Variants in KCNJ6 observed in about 807,000 individuals in gnomAD.
The protein encoded by KCNJ6 is potassium inwardly rectifying channel subfamily J member 6, also known as G protein-activated inward rectifier potassium channel 2.
In KCNJ6, 9 loss-of-function variants were observed where a neutral mutation model predicts 34.2. That is an observed-to-expected ratio of 0.26 (90% CI 0.16 to 0.46). KCNJ6 has a LOEUF of 0.46. Ranked by LOEUF, KCNJ6 falls within the 20% of genes least tolerant of loss-of-function variation. The pLI is 1.00. For synonymous variants in KCNJ6, 196 were observed against 207.1 expected (o/e 0.95, Z 0.46); for missense variants, 236 against 531.3 (o/e 0.44, Z 5.46).
At chr21:37,705,956 T>G (rs564739601) in intron 3 of KCNJ6, among the ~76,000 whole-genome samples, 155 of 432 alleles carry the variant, frequency 0.36, no homozygotes, top group Non-Finnish European at 0.19. Flanking sequence ...ATAAGGTTAT[T>G]TCCTCAGTCA....
chr21:37,847,311 C>A (rs1045690681), intron 1 of KCNJ6, among the ~76,000 whole-genome samples: 3 of 152,116 alleles, frequency 2.0e-5, no homozygotes, highest in Admixed American at 6.5e-5. Flanking sequence ...AACTGAGGCA[C>A]AGAGAGGTTC....
intron 2 of KCNJ6, among the ~76,000 whole-genome samples, chr21:37,720,929 G>C (rs541288496): frequency 6.6e-6 from 1 of 151,140 alleles, no homozygotes; most frequent in Non-Finnish European, 1.5e-5. Flanking sequence ...GGATGGTCTC[G>C]ATCTCCTGAC....
chr21:37,868,857 A>G (rs1041622344), intron 1 of KCNJ6, among the ~76,000 whole-genome samples: 1 of 152,272 alleles, frequency 6.6e-6, no homozygotes, highest in Admixed American at 6.5e-5. Context: ...AATGTTCTTC[A>G]GAATCCACAG....
chr21:37,632,844 G>T (rs2054339919), intron 3 of KCNJ6, among the ~76,000 whole-genome samples: 1 of 152,062 alleles, frequency 6.6e-6, no homozygotes, highest in South Asian at 2.1e-4. Flanking sequence ...TTGAGCCAGT[G>T]ATTAAAAACT....
rs144661186 is a variant in KCNJ6, at chr21:37,664,998, G to A, written c.947-39514C>T. On this transcript the variant is annotated intron_variant, in intron 3 of 3. Transcript: ENST00000609713. ...TTTTTAGTAGAGACGGGGTTTCACC[G>A]TGTTAGCCAGGATGGTCTCGATCTC... Among the ~76,000 whole-genome samples the A allele has an allele frequency of 5.7e-3, 870 of 151,886 alleles. 11 individuals carry two copies. The highest frequency in any genetic ancestry group is 0.019 in the African/African-American group (783 of 41,396).
At chr21:37,766,191 G>A (rs185046652) in intron 2 of KCNJ6, among the ~76,000 whole-genome samples, 1 of 152,312 alleles carries the variant, frequency 6.6e-6, no homozygotes, top group African/African-American at 2.4e-5. Flanking sequence ...TGTTTTTTGG[G>A]AAGAACTGGG....
intron 2 of KCNJ6, among the ~76,000 whole-genome samples, chr21:37,783,319 T>C (rs933545122): frequency 2.6e-5 from 4 of 152,302 alleles, no homozygotes; most frequent in Admixed American, 6.5e-5. Context: ...TTCCCATATG[T>C]TGTGGGAAGG....
At chr21:37,807,901 G>T (rs2055301827) in intron 2 of KCNJ6, among the ~76,000 whole-genome samples, 1 of 152,192 alleles carries the variant, frequency 6.6e-6, no homozygotes, top group African/African-American at 2.4e-5. Flanking sequence ...TCCATGTACT[G>T]CCAGGGTCTG....
chr21:37,765,193 T>TG (rs1441973881), intron 2 of KCNJ6, among the ~76,000 whole-genome samples: 2 of 152,256 alleles, frequency 1.3e-5, no homozygotes, highest in Non-Finnish European at 2.9e-5. Flanking sequence ...TGTGTCTGCA[T>TG]GGTGGAAACA....
intron 2 of KCNJ6, among the ~76,000 whole-genome samples, chr21:37,820,517 G>A (rs2055368694): frequency 6.6e-6 from 1 of 152,150 alleles, no homozygotes; most frequent in Non-Finnish European, 1.5e-5. Flanking sequence ...GGATGACACT[G>A]CTTCAGATGT....
chr21:37,626,291 C>T (rs1024306869), intron 3 of KCNJ6, among the ~76,000 whole-genome samples: 5 of 152,008 alleles, frequency 3.3e-5, no homozygotes, highest in South Asian at 2.1e-4. Flanking sequence ...CCGCCATGTC[C>T]GACTAATTTT....
At position 37,840,717 on chromosome 21, in the gene KCNJ6, TGAG is replaced by T; in HGVS notation, c.-27-11_-27-9del. 3 of 1,533,470 alleles carry T rather than the reference TGAG, an allele frequency of 2.0e-6. No individual in the cohort carries two copies. In the South Asian group the frequency reaches 3.4e-5, roughly 17 times the overall value. The allele number at this position is 1,533,470 out of a possible 1,614,324, so 95.0% of individuals were successfully genotyped here. On this transcript the variant is annotated splice_polypyrimidine_tract_variant and intron_variant, in intron 1 of 3. Coordinates refer to ENST00000609713, the MANE Select transcript of KCNJ6 (RefSeq NM_002240.5). ...TTCTTCTTTGTGCTTTTCCTGGAGG[TGAG>T]AAGAAAAGACAATTATCTGTAAAAC...
intron 2 of KCNJ6, among the ~76,000 whole-genome samples, chr21:37,778,813 G>T (rs530974308): frequency 3.3e-5 from 5 of 149,716 alleles, no homozygotes; most frequent in African/African-American, 1.2e-4. Flanking sequence ...ACTTATTCTT[G>T]GAGCACCCCC....
At chr21:37,870,541 C>T (rs1269006755) in intron 1 of KCNJ6, among the ~76,000 whole-genome samples, 1 of 151,666 alleles carries the variant, frequency 6.6e-6, no homozygotes, top group Non-Finnish European at 1.5e-5. Context: ...TAGAATAATT[C>T]TGAGATATTT....
At chr21:37,816,176 C>G (rs2055345891) in intron 2 of KCNJ6, among the ~76,000 whole-genome samples, 1 of 152,160 alleles carries the variant, frequency 6.6e-6, no homozygotes, top group Admixed American at 6.5e-5. Context: ...ATGCCTGCCG[C>G]CTTTTCTGGA....
rs139268349 is a variant in KCNJ6 at position 37,628,507 on chromosome 21, A to G, written c.947-3023T>C. Among the ~76,000 whole-genome samples, 634 of 152,318 alleles carry G rather than the reference A, an allele frequency of 4.2e-3. 7 individuals carry two copies. The highest frequency in any genetic ancestry group is 0.014 in the African/African-American group (599 of 41,578). On this transcript the variant is annotated intron_variant, in intron 3 of 3. Transcript: ENST00000609713. ...TATTGAGGTATAGAAAGAAAAAAGA[A>G]TGGAGAAAAATGAACAGTGCCTCAG... is the stretch of plus-strand genomic sequence containing the variant.
chr21:37,819,473 C>T (rs1163208463), intron 2 of KCNJ6, among the ~76,000 whole-genome samples: 1 of 151,712 alleles, frequency 6.6e-6, no homozygotes, highest in Non-Finnish European at 1.5e-5. Flanking sequence ...TTCCATCTGA[C>T]AAATCTGAAA....
At chr21:37,669,903 C>T (rs1490862416) in intron 3 of KCNJ6, among the ~76,000 whole-genome samples, 1 of 151,988 alleles carries the variant, frequency 6.6e-6, no homozygotes, top group African/African-American at 2.4e-5. Context: ...TCTTTTGTTG[C>T]CTGTACTTGT....
At chr21:37,647,233 A>T (rs964487896) in intron 3 of KCNJ6, among the ~76,000 whole-genome samples, 6 of 152,002 alleles carry the variant, frequency 3.9e-5, no homozygotes, top group Non-Finnish European at 5.9e-5. Flanking sequence ...CTTAATTCTT[A>T]CTTTTTAGCT....
Sources: allele counts gnomAD v4.1 joint callset (sites outside exome capture counted in the v4.1 genomes callset), GRCh38; gene constraint gnomAD v4.1.1; transcripts MANE v1.5; gene names NCBI Gene and HGNC (gene_info 2026-07-23, HGNC 2026-07-21).